The following EPHA6 variants were observed in gnomAD, a reference collection of about 807,000 sequenced individuals.
EPHA6 encodes the protein ephrin type-A receptor 6.
EPHA6 carries 50 observed loss-of-function variants against 112.0 expected under a neutral mutation model. The observed-to-expected ratio is 0.45, with a 90% CI of 0.36 to 0.56. The LOEUF is 0.56. Ranked by LOEUF, EPHA6 falls within the 20% of genes least tolerant of loss-of-function variation. The pLI is 0.00. For synonymous variants in EPHA6, 529 were observed against 490.7 expected, an observed-to-expected ratio of 1.08 and a Z score of -1.03; for missense variants, 1,280 against 1,417.4, an observed-to-expected ratio of 0.90 and a Z score of 1.56.
chr3:96,850,830 A>C (rs140012874), intron 1 of EPHA6, among the ~76,000 whole-genome samples: 7 of 152,298 alleles, frequency 4.6e-5, no homozygotes, highest in African/African-American at 1.4e-4. Flanking sequence ...TTTCATTGGA[A>C]GATGGGATAA....
At chr3:97,466,489 G>T (rs868405482) in intron 7 of EPHA6, 1 of 1,316,276 alleles carries the variant, frequency 7.6e-7, no homozygotes, top group East Asian at 2.3e-5. Flanking sequence ...TCAGGTAACT[G>T]AAAAGTCAAA....
rs2093962658 is a variant in EPHA6, at chr3:97,637,869, G to T, written c.2575-4G>T. ...CAATTTACACAATTGTGATTCTCTT[G>T]CAGAAGCATGATGGCCACTTCACAG... On this transcript the variant is annotated splice_polypyrimidine_tract_variant and splice_region_variant and intron_variant, in intron 13 of 17. Transcript: ENST00000389672. 1 of 1,612,278 alleles carries T rather than the reference G, an allele frequency of 6.2e-7. No individual in the cohort carries two copies. The highest frequency in any genetic ancestry group is 8.5e-7 in the Non-Finnish European group (1 of 1,178,400).
At chr3:97,745,925 A>C (rs1451002876) in intron 16 of EPHA6, among the ~76,000 whole-genome samples, 2 of 151,894 alleles carry the variant, frequency 1.3e-5, no homozygotes, top group Non-Finnish European at 2.9e-5. Flanking sequence ...TACCAGGGTT[A>C]TATAGCATGT....
intron 2 of EPHA6, among the ~76,000 whole-genome samples, chr3:96,924,840 A>G (rs1045861968): frequency 6.6e-6 from 1 of 152,204 alleles, no homozygotes; most frequent in Admixed American, 6.5e-5. Flanking sequence ...AGATTTTAAC[A>G]TGAAGGAATA....
chr3:97,685,015 C>G (rs2032141697), intron 14 of EPHA6, among the ~76,000 whole-genome samples: 1 of 152,100 alleles, frequency 6.6e-6, no homozygotes, highest in African/African-American at 2.4e-5. Context: ...ATGTGTAGGA[C>G]ACAAATCTAT....
At chr3:97,454,104 A>G (rs976493821) in intron 7 of EPHA6, among the ~76,000 whole-genome samples, 5 of 151,814 alleles carry the variant, frequency 3.3e-5, no homozygotes, top group African/African-American at 1.2e-4. Flanking sequence ...AGATTCTTCT[A>G]TGACTTCCAA....
chr3:97,737,182 G>A (rs988800560), intron 16 of EPHA6, among the ~76,000 whole-genome samples: 1 of 152,076 alleles, frequency 6.6e-6, no homozygotes, highest in African/African-American at 2.4e-5. Flanking sequence ...AGTAAAGGAA[G>A]GAAAGGCACT....
intron 11 of EPHA6, among the ~76,000 whole-genome samples, chr3:97,534,098 TTATGCAGC>T (rs1409230011): frequency 2.6e-5 from 4 of 152,152 alleles, no homozygotes; most frequent in Admixed American, 6.6e-5. Flanking sequence ...CACTTAAGAA[TTATGCAGC>T]TATGGGTAAA....
intron 3 of EPHA6, among the ~76,000 whole-genome samples, chr3:97,202,956 C>A (rs1196335448): frequency 6.6e-6 from 1 of 151,952 alleles, no homozygotes; most frequent in Non-Finnish European, 1.5e-5. Flanking sequence ...TTGGGGTAAT[C>A]CAGAAAGAGC....
At chr3:97,352,787 A>G (rs1470028679) in intron 5 of EPHA6, among the ~76,000 whole-genome samples, 1 of 152,134 alleles carries the variant, frequency 6.6e-6, no homozygotes, top group Non-Finnish European at 1.5e-5. Context: ...CTTGGAGTGC[A>G]CATGACACCA....
chr3:97,446,418 T>A lies in EPHA6; in HGVS notation c.1732-2150T>A, dbSNP rs148545970. On this transcript the variant is annotated intron_variant, in intron 6 of 17. Coordinates refer to ENST00000389672, the MANE Select transcript of EPHA6 (RefSeq NM_001080448.3). Reference sequence around the variant, plus strand: ...TACTAAAAGCTGCCTGCAAAAGGTGTCCTTTATTCCCTGTAACTTTACTGA... The same window carrying A: ...TACTAAAAGCTGCCTGCAAAAGGTGACCTTTATTCCCTGTAACTTTACTGA... Among the ~76,000 whole-genome samples the A allele has an allele frequency of 5.3e-5, 8 of 152,294 alleles. No homozygotes were observed. In the East Asian group the frequency reaches 1.5e-3, roughly 29 times the overall value.
intron 13 of EPHA6, among the ~76,000 whole-genome samples, chr3:97,629,866 G>A (rs2093888918): frequency 6.6e-6 from 1 of 151,924 alleles, no homozygotes; most frequent in Admixed American, 6.6e-5. Context: ...TCATCAAGAT[G>A]ATGGCACTTT....
At chr3:96,816,188 A>G (rs1263646454) in intron 1 of EPHA6, among the ~76,000 whole-genome samples, 1 of 152,224 alleles carries the variant, frequency 6.6e-6, no homozygotes, top group East Asian at 1.9e-4. Context: ...CAGAATCAGA[A>G]TAAAATATAA....
intron 11 of EPHA6, among the ~76,000 whole-genome samples, chr3:97,578,493 C>CCATA (rs2093408385): frequency 6.6e-6 from 1 of 152,180 alleles, no homozygotes; most frequent in Non-Finnish European, 1.5e-5. Flanking sequence ...GGTCTTTATT[C>CCATA]TGGCCAGCCA....
intron 7 of EPHA6, among the ~76,000 whole-genome samples, chr3:97,463,263 T>C (rs983318319): frequency 1.3e-5 from 2 of 152,090 alleles, no homozygotes; most frequent in Non-Finnish European, 2.9e-5. Context: ...GTAGCACGAC[T>C]TTCCCCATGT....
chr3:97,738,359 G>T (rs2035363050), intron 16 of EPHA6, among the ~76,000 whole-genome samples: 1 of 151,956 alleles, frequency 6.6e-6, no homozygotes, highest in South Asian at 2.1e-4. Flanking sequence ...TGGGCCCCTT[G>T]TTGTGGTATA....
intron 3 of EPHA6, among the ~76,000 whole-genome samples, chr3:97,169,682 A>G (rs1023081210): frequency 2.6e-5 from 4 of 152,146 alleles, no homozygotes; most frequent in Non-Finnish European, 5.9e-5. Flanking sequence ...GCTTCGTAAA[A>G]TGCAGCCATT....
chr3:97,179,974 T>G (rs897405410), intron 3 of EPHA6, among the ~76,000 whole-genome samples: 18 of 152,050 alleles, frequency 1.2e-4, no homozygotes, highest in Admixed American at 9.8e-4. Flanking sequence ...TTCCTTGCCT[T>G]AAGGTTGGCA....
chr3:97,465,241 T>G (rs2091014503), intron 7 of EPHA6, among the ~76,000 whole-genome samples: 1 of 152,000 alleles, frequency 6.6e-6, no homozygotes. Flanking sequence ...TTAACTCAAT[T>G]CCCTAGGCAA....
Sources: gnomAD v4.1 joint callset for allele counts (sites outside exome capture counted in the v4.1 genomes callset) on GRCh38, gnomAD v4.1.1 for gene constraint, MANE v1.5 for transcripts, NCBI Gene and HGNC (gene_info 2026-07-23, HGNC 2026-07-21) for gene names.